MBNL2: variants seen among roughly 807,000 people sequenced by gnomAD.
MBNL2 encodes the protein muscleblind like splicing regulator 2.
In MBNL2, 17 loss-of-function variants were observed where a neutral mutation model predicts 41.9. That is an observed-to-expected ratio of 0.41 (90% confidence interval 0.28 to 0.61). MBNL2 has a LOEUF of 0.61. MBNL2 is among the 20% of genes least tolerant of loss of function. The pLI is 0.35. For synonymous variants in MBNL2, 195 were observed against 182.9 expected (o/e 1.07, Z -0.53); for missense variants, 336 against 505.6 (o/e 0.66, Z 3.22).
chr13:97,218,961 GTAAA>G (rs998163011), upstream of MBNL2, among the ~76,000 whole-genome samples: 20 of 151,496 alleles, frequency 1.3e-4, no homozygotes, highest in Admixed American at 3.3e-4. Context: ...TAGACCTTAA[GTAAA>G]TAAATAACAA....
the MBNL2 span, among the ~76,000 whole-genome samples, chr13:97,166,230 A>C: frequency 9.2e-5 from 14 of 152,260 alleles, no homozygotes; most frequent in Non-Finnish European, 1.6e-4. Context: ...TTCTGAATTA[A>C]ATAATGAGGT....
At chr13:97,151,019 T>A in the MBNL2 span, among the ~76,000 whole-genome samples, 1 of 152,096 alleles carries the variant, frequency 6.6e-6, no homozygotes, top group Non-Finnish European at 1.5e-5. Flanking sequence ...TCCCTCAAAC[T>A]ACTAAAAGGA....
At chr13:97,158,300 G>A in the MBNL2 span, among the ~76,000 whole-genome samples, 1 of 150,188 alleles carries the variant, frequency 6.7e-6, no homozygotes, top group South Asian at 2.1e-4. Context: ...TTCTTTATTA[G>A]TCTTGCTAGC....
chr13:97,174,965 T>A, the MBNL2 span, among the ~76,000 whole-genome samples: 1 of 152,202 alleles, frequency 6.6e-6, no homozygotes, highest in Non-Finnish European at 1.5e-5. Flanking sequence ...GACTATAGAA[T>A]TCTCATGTTG....
At chr13:97,335,322 G>A (rs1032582252) in intron 3 of MBNL2, among the ~76,000 whole-genome samples, 3 of 151,228 alleles carry the variant, frequency 2.0e-5, no homozygotes, top group African/African-American at 7.3e-5. Context: ...TGAGTGAAAT[G>A]TGTTTGTTTC....
chr13:97,351,987 G>A (rs1221013286), intron 5 of MBNL2, among the ~76,000 whole-genome samples: 2 of 150,872 alleles, frequency 1.3e-5, no homozygotes, highest in Non-Finnish European at 2.9e-5. Flanking sequence ...TCATGCCACT[G>A]CACTCTAGCC....
At chr13:97,367,300 A>G (rs890838697) in intron 8 of MBNL2, among the ~76,000 whole-genome samples, 5 of 152,112 alleles carry the variant, frequency 3.3e-5, no homozygotes, top group South Asian at 2.1e-4. Context: ...TAGCCTCCCA[A>G]CTTGCAAACA....
At chr13:97,317,583 G>T (rs1342332640) in intron 2 of MBNL2, among the ~76,000 whole-genome samples, 2 of 152,170 alleles carry the variant, frequency 1.3e-5, no homozygotes, top group Admixed American at 6.5e-5. Flanking sequence ...CCTTTTGGCT[G>T]TCTGAAATCC....
intron 6 of MBNL2, 101 bp downstream of exon 6, chr13:97,356,950 T>A: frequency 1.6e-6 from 1 of 628,562 alleles, no homozygotes; most frequent in Non-Finnish European, 2.4e-6. Flanking sequence ...ATCATTATTA[T>A]TAATTTATGG....
At chr13:97,203,119 G>A in the MBNL2 span, among the ~76,000 whole-genome samples, 1 of 152,122 alleles carries the variant, frequency 6.6e-6, no homozygotes, top group Non-Finnish European at 1.5e-5. Context: ...GAAAGCTGTA[G>A]GGAAGTATGC....
chr13:97,296,008 G>T (rs1450898164), intron 2 of MBNL2, among the ~76,000 whole-genome samples: 4 of 152,114 alleles, frequency 2.6e-5, no homozygotes, highest in Admixed American at 2.0e-4. Flanking sequence ...CCAAAGAACT[G>T]TTATTTGTCA....
intron 2 of MBNL2, among the ~76,000 whole-genome samples, chr13:97,303,102 C>T (rs957938814): frequency 1.3e-5 from 2 of 152,134 alleles, no homozygotes; most frequent in Admixed American, 1.3e-4. Context: ...AAGCTTCAAC[C>T]TTGGGCATGA....
intron 2 of MBNL2, among the ~76,000 whole-genome samples, chr13:97,304,662 A>G (rs1049302872): frequency 6.6e-5 from 10 of 152,198 alleles, no homozygotes; most frequent in African/African-American, 2.4e-4. Flanking sequence ...TAATAATAGT[A>G]ATATCTAGTC....
the MBNL2 span, among the ~76,000 whole-genome samples, chr13:97,195,928 G>A: frequency 6.6e-6 from 1 of 152,138 alleles, no homozygotes; most frequent in Non-Finnish European, 1.5e-5. Flanking sequence ...AAAGGTAACT[G>A]AAGAATAATC....
At chr13:97,243,028 C>CA (rs1027517925) in intron 1 of MBNL2, among the ~76,000 whole-genome samples, 108 of 152,320 alleles carry the variant, frequency 7.1e-4, no homozygotes, top group African/African-American at 2.2e-3. Flanking sequence ...CCTGAAGCCC[C>CA]AAAGCTTGGG....
chr13:97,315,020 T>C (rs1264920360), intron 2 of MBNL2, among the ~76,000 whole-genome samples: 1 of 152,136 alleles, frequency 6.6e-6, no homozygotes, highest in Non-Finnish European at 1.5e-5. Flanking sequence ...TTCATATATA[T>C]AAATAATTTG....
At chr13:97,225,830 T>G (rs982697506) in intron 1 of MBNL2, among the ~76,000 whole-genome samples, 3 of 152,258 alleles carry the variant, frequency 2.0e-5, no homozygotes, top group African/African-American at 7.2e-5. Context: ...AAAGGTGTCA[T>G]GGGCCCAGGC....
chr13:97,278,401 G>A (rs1256188489), intron 2 of MBNL2, among the ~76,000 whole-genome samples: 3 of 151,804 alleles, frequency 2.0e-5, no homozygotes, highest in Admixed American at 6.6e-5. Context: ...TTCTCCAATT[G>A]GGTATTTAAT....
intron 1 of MBNL2, among the ~76,000 whole-genome samples, chr13:97,263,006 T>TG (rs2048943792): frequency 6.6e-6 from 1 of 152,108 alleles, no homozygotes; most frequent in Admixed American, 6.5e-5. Context: ...AGGCTGGTCT[T>TG]GAACTCCTGA....
Sources: gnomAD v4.1 joint callset for allele counts (sites outside exome capture counted in the v4.1 genomes callset) on GRCh38, gnomAD v4.1.1 for gene constraint, MANE v1.5 for transcripts, NCBI Gene and HGNC (gene_info 2026-07-23, HGNC 2026-07-21) for gene names.